PRKDC: variants seen among roughly 807,000 people sequenced by gnomAD.
PRKDC encodes the protein DNA-dependent protein kinase catalytic subunit.
A neutral mutation model predicts 486.9 loss-of-function variants in PRKDC; 82 were observed. That is an observed-to-expected ratio of 0.17 (90% CI 0.14 to 0.20). The LOEUF (loss-of-function observed/expected upper bound fraction) is 0.20. Ranked by LOEUF, PRKDC falls within the 10% of genes least tolerant of loss-of-function variation. The probability of loss-of-function intolerance (pLI) is 1.00; values close to 1 mark genes in which losing one functional copy is unlikely to be tolerated. For missense variants in PRKDC, 4,504 were observed against 5,038.2 expected, an observed-to-expected ratio of 0.89 and a Z score of 3.21; for synonymous variants, 1,895 against 1,837.0, an observed-to-expected ratio of 1.03 and a Z score of -0.81.
rs775326217 is a variant in PRKDC at position 47,933,976 on chromosome 8, C to T, written c.1612G>A (p.Asp538Asn). Residue 538 changes from aspartate (D) to asparagine (N), a missense_variant, in exon 15 of 86, where the codon GAC (aspartate) becomes AAC (asparagine). By Grantham distance (23) the Asp-to-Asn change is conservative. Transcript: ENST00000314191. ...ATGGTAAATGTTACCATCATCTGGT[C>T]AGAGCTCAGGAGATGTCTGAAGAGA... ...VDLFRHLLSS[D>N]QMMDSILADE... 7 of 1,612,130 alleles carry T rather than the reference C, an allele frequency of 4.3e-6. No individual in the cohort carries two copies. Among genetic ancestry groups the T allele is most frequent in the Admixed American group, 3.3e-5 (2 of 59,990 alleles).
At chr8:47,893,055 G>A (rs1031458041) in intron 31 of PRKDC, 84 bp downstream of exon 31, 37 of 1,431,774 alleles carry the variant, frequency 2.6e-5, no homozygotes, top group East Asian at 2.0e-4. Flanking sequence ...CCATCATGTC[G>A]CTGGGATTCT....
chr8:47,828,536 G>T (rs924642441), intron 61 of PRKDC, among the ~76,000 whole-genome samples, 189 bp from the exon 62 acceptor site: 3 of 152,296 alleles, frequency 2.0e-5, no homozygotes, highest in Admixed American at 2.0e-4. Context: ...GTATCTGTTT[G>T]ATGTATGTTA....
At chr8:47,956,787 G>A (rs374890365) in intron 3 of PRKDC, among the ~76,000 whole-genome samples, 1 of 149,172 alleles carries the variant, frequency 6.7e-6, no homozygotes, top group African/African-American at 2.5e-5. Context: ...TGCTCTTGTC[G>A]CCCAGGCTGC....
chr8:47,827,074 G>C (rs1040934496), intron 62 of PRKDC, among the ~76,000 whole-genome samples: 1 of 150,746 alleles, frequency 6.6e-6, no homozygotes, highest in African/African-American at 2.4e-5. Flanking sequence ...TTCCATTCCA[G>C]GGATCAATTT....
chr8:47,950,165 G>A (rs543085435), intron 7 of PRKDC, among the ~76,000 whole-genome samples: 1 of 152,114 alleles, frequency 6.6e-6, no homozygotes, highest in African/African-American at 2.4e-5. Flanking sequence ...CCAGCTACTC[G>A]GGAGGCTGAG....
intron 14 of PRKDC, 136 bp from the exon 15 acceptor site, chr8:47,934,226 G>T (rs1004322619): frequency 9.4e-7 from 1 of 1,066,804 alleles, no homozygotes; most frequent in Non-Finnish European, 1.3e-6. Flanking sequence ...GGAAGACATC[G>T]TATTAAAAAA....
intron 67 of PRKDC, 57 bp from the exon 68 acceptor site, chr8:47,817,618 CAAAG>C: frequency 3.6e-6 from 4 of 1,120,546 alleles, no homozygotes; most frequent in Non-Finnish European, 5.2e-6. Context: ...GATCAAATGA[CAAAG>C]GTCATTATCA....
chr8:47,943,413 A>T, intron 9 of PRKDC, 47 bp from the exon 10 acceptor site: 1 of 1,532,454 alleles, frequency 6.5e-7, no homozygotes, highest in African/African-American at 1.4e-5. Flanking sequence ...GACATAACAC[A>T]GAACAGAAAA....
At chr8:47,896,430 G>A (rs1244967954) in intron 30 of PRKDC, among the ~76,000 whole-genome samples, 2 of 151,910 alleles carry the variant, frequency 1.3e-5, no homozygotes, top group African/African-American at 2.4e-5. Flanking sequence ...GGTGGATCAC[G>A]AGGTCAGCAG....
chr8:47,889,152 C>G lies in PRKDC; in HGVS notation c.4142G>C (p.Ser1381Thr). ...GACGTCTCCGATGTTGAAACCTATG[C>G]TTGCGGGCTCACACAGCGTCTGCAC... ...VLVQTLCEPASIGFNIGDVQV... is the reference protein window; with the variant it reads ...VLVQTLCEPATIGFNIGDVQV... Residue 1381 changes from serine (S) to threonine (T), a missense_variant, in exon 33 of 86, where the codon AGC becomes ACC. Physicochemically the swap from Ser to Thr is moderately conservative, Grantham distance 58. Transcript: ENST00000314191. 6.2e-7 allele frequency: 1 copy of G among 1,613,982 alleles called. No individual in the cohort carries two copies. The highest frequency in any genetic ancestry group is 1.1e-5 in the South Asian group (1 of 91,088).
chr8:47,837,058 C>T (rs1301448599), intron 57 of PRKDC, among the ~76,000 whole-genome samples, 154 bp downstream of exon 57: 2 of 152,208 alleles, frequency 1.3e-5, no homozygotes, highest in African/African-American at 4.8e-5. Context: ...AGTGGACCTC[C>T]AGGTGGCTGA....
In PRKDC at chr8:47,859,711, A is replaced by G; in HGVS notation, c.6107T>C (p.Leu2036Pro). 6.2e-7 allele frequency: 1 copy of G among 1,613,848 alleles called. No homozygotes were observed. Among genetic ancestry groups the G allele is most frequent in the Non-Finnish European group, 8.5e-7 (1 of 1,179,738 alleles). ...ATCAAATTGACTCATTTCCTCACTC[A>G]GGGTACTGTCTGCCAAATATGACAG... ...SSLSYLADST[L>P]SEEMSQFDFS... is the part of the protein sequence containing the mutation. The change falls in exon 46 of 86, where the codon CTG becomes CCG. Residue 2036 changes from leucine (L) to proline (P), a missense_variant. Leu to Pro is a moderately conservative substitution (Grantham distance 98). Around this residue, in one of 6 missense-constraint regions of PRKDC, gnomAD observed 1,592 missense variants for 1,724.6 expected, o/e 0.92. Transcript: ENST00000314191.
intron 10 of PRKDC, among the ~76,000 whole-genome samples, chr8:47,941,432 C>T (rs977346487): frequency 3.3e-5 from 5 of 152,122 alleles, no homozygotes; most frequent in Non-Finnish European, 7.3e-5. Flanking sequence ...GGTCACACAG[C>T]ATCCCTGGAA....
In PRKDC at chr8:47,818,573, C is replaced by T. The variant is rs1248852328; in HGVS notation, c.9445+829G>A. Reference sequence around the variant, plus strand: ...CAGCCTGCGAAACAGAGTGAGACTCCGTCTCAAAAAAAAAAAAAAAAAAAA... The same window carrying T: ...CAGCCTGCGAAACAGAGTGAGACTCTGTCTCAAAAAAAAAAAAAAAAAAAA... On this transcript the variant is annotated intron_variant, in intron 67 of 85. Transcript: ENST00000314191. Among the ~76,000 whole-genome samples, 4 of 116,214 alleles carry T rather than the reference C, an allele frequency of 3.4e-5. No individual in the cohort carries two copies. The East Asian group carries it at 7.2e-4, about 21-fold the overall frequency. 76.2% of individuals were successfully genotyped at this position (116,214 alleles called of 152,430 possible).
intron 54 of PRKDC, among the ~76,000 whole-genome samples, chr8:47,848,644 G>GA (rs1235617732): frequency 5.2e-5 from 6 of 114,950 alleles, no homozygotes; most frequent in Admixed American, 1.7e-4. Flanking sequence ...AATAAAAGTT[G>GA]AAAAAAATGA....
At chr8:47,780,631 T>C (rs2086683389) in intron 80 of PRKDC, among the ~76,000 whole-genome samples, 1 of 152,172 alleles carries the variant, frequency 6.6e-6, no homozygotes, top group Admixed American at 6.5e-5. Context: ...TAAACTGAGA[T>C]GAAAATTCTT....
chr8:47,877,720 T>C lies in PRKDC; in HGVS notation c.5363+4A>G. 1 of 1,579,638 alleles carries C rather than the reference T, an allele frequency of 6.3e-7. No homozygotes were observed. The highest frequency in any genetic ancestry group is 1.2e-5 in the South Asian group (1 of 84,336). On this transcript the variant is annotated splice_donor_region_variant and intron_variant, in intron 40 of 85. Coordinates refer to ENST00000314191, the MANE Select transcript of PRKDC (RefSeq NM_006904.7). Reference sequence around the variant, plus strand: ...TCCTGAGATCCCAGGCCAGAATGACTTACCTTCTGGCAATCCTCCTGAAAC... The same window carrying C: ...TCCTGAGATCCCAGGCCAGAATGACCTACCTTCTGGCAATCCTCCTGAAAC...
intron 4 of PRKDC, among the ~76,000 whole-genome samples, chr8:47,955,322 C>T (rs1289520145): frequency 2.7e-5 from 4 of 149,718 alleles, no homozygotes; most frequent in African/African-American, 9.8e-5. Flanking sequence ...ATTAGCCGGG[C>T]GTAGTGGCGG....
intron 21 of PRKDC, among the ~76,000 whole-genome samples, chr8:47,920,500 A>G (rs557244612): frequency 6.6e-6 from 1 of 152,342 alleles, no homozygotes; most frequent in South Asian, 2.1e-4. Flanking sequence ...ATTTATACAG[A>G]TATGTAAATT....
Sources: gnomAD v4.1 joint callset for allele counts (sites outside exome capture counted in the v4.1 genomes callset) on GRCh38, gnomAD v4.1.1 for gene constraint, gnomAD v4.1.1 regional missense constraint, MANE v1.5 for transcripts, NCBI Gene and HGNC (gene_info 2026-07-23, HGNC 2026-07-21) for gene names.